Variants in SH3RF2 observed in about 807,000 individuals in gnomAD.
The protein encoded by SH3RF2 is SH3 domain containing ring finger 2, also known as E3 ubiquitin-protein ligase SH3RF2.
SH3RF2 carries 43 observed loss-of-function variants against 59.0 expected under a neutral mutation model. That is an observed-to-expected ratio of 0.73 (90% CI 0.57 to 0.94). The LOEUF is 0.94. SH3RF2 is among the 40% of genes least tolerant of loss of function. SH3RF2 has a pLI of 0.00. For synonymous variants in SH3RF2, 391 were observed against 391.5 expected (o/e 1.00, Z 0.01); for missense variants, 930 against 940.1 (o/e 0.99, Z 0.14).
chr5:146,020,874 A>G (rs1277670890), intron 5 of SH3RF2, among the ~76,000 whole-genome samples: 1 of 152,202 alleles, frequency 6.6e-6, no homozygotes, highest in Non-Finnish European at 1.5e-5. Context: ...ATCCTATGCC[A>G]GGATGATAAT....
chr5:146,077,284 G>C (rs1220991316), intron 9 of SH3RF2, among the ~76,000 whole-genome samples: 2 of 152,226 alleles, frequency 1.3e-5, no homozygotes, highest in African/African-American at 4.8e-5. Context: ...ATTGGCCAGG[G>C]AGGGGAGGAT....
chr5:145,947,613 G>C (rs1051895495), intron 2 of SH3RF2, among the ~76,000 whole-genome samples: 3 of 152,114 alleles, frequency 2.0e-5, no homozygotes, highest in African/African-American at 7.2e-5. Flanking sequence ...TAGACCTGGG[G>C]ATAATAAAAA....
At chr5:146,009,664 T>C (rs545617727) in intron 4 of SH3RF2, among the ~76,000 whole-genome samples, 4 of 152,322 alleles carry the variant, frequency 2.6e-5, no homozygotes, top group Non-Finnish European at 4.4e-5. Context: ...GTTGTTTACA[T>C]GCTGGCTCTG....
chr5:145,946,492 G>A (rs1758010235), intron 2 of SH3RF2, among the ~76,000 whole-genome samples: 1 of 152,128 alleles, frequency 6.6e-6, no homozygotes, highest in African/African-American at 2.4e-5. Flanking sequence ...TTTATGAATT[G>A]AGCCATTACA....
intron 2 of SH3RF2, among the ~76,000 whole-genome samples, chr5:145,978,977 T>G (rs1422447874): frequency 6.6e-6 from 1 of 152,188 alleles, no homozygotes; most frequent in African/African-American, 2.4e-5. Flanking sequence ...CCTGTTTTCC[T>G]GTGCTCATAC....
intron 2 of SH3RF2, among the ~76,000 whole-genome samples, chr5:145,940,999 G>A (rs1757793652): frequency 6.6e-6 from 1 of 152,258 alleles, no homozygotes; most frequent in African/African-American, 2.4e-5. Flanking sequence ...TATTATTATT[G>A]AACTTGATTC....
At chr5:145,999,081 G>A (rs1760287168) in intron 2 of SH3RF2, among the ~76,000 whole-genome samples, 1 of 151,162 alleles carries the variant, frequency 6.6e-6, no homozygotes, top group South Asian at 2.1e-4. Context: ...TCTTCTTGCT[G>A]GTGGTGGGTC....
At chr5:145,993,029 A>G (rs1345036743) in intron 2 of SH3RF2, among the ~76,000 whole-genome samples, 1 of 152,280 alleles carries the variant, frequency 6.6e-6, no homozygotes. Context: ...TACTAGATAC[A>G]GTGGGGGTAC....
At chr5:146,048,995 C>A in intron 6 of SH3RF2, 80 bp from the exon 7 acceptor site, 1 of 1,533,918 alleles carries the variant, frequency 6.5e-7, no homozygotes, top group Non-Finnish European at 9.0e-7. Flanking sequence ...TGGGCAGTCT[C>A]TCTCCACCAT....
At chr5:146,038,072 G>GA (rs951615798) in intron 5 of SH3RF2, among the ~76,000 whole-genome samples, 3 of 151,776 alleles carry the variant, frequency 2.0e-5, no homozygotes, top group Admixed American at 1.3e-4. Context: ...GATTAAAGGA[G>GA]AAAAAAATGT....
chr5:146,014,336 C>T (rs1418203940), intron 5 of SH3RF2, among the ~76,000 whole-genome samples: 1 of 152,150 alleles, frequency 6.6e-6, no homozygotes, highest in African/African-American at 2.4e-5. Flanking sequence ...CTCACAGATA[C>T]TTTTCTTTCC....
chr5:146,017,702 G>A (rs1761158218), intron 5 of SH3RF2, among the ~76,000 whole-genome samples: 1 of 152,002 alleles, frequency 6.6e-6, no homozygotes, highest in South Asian at 2.1e-4. Flanking sequence ...CACCTAAATA[G>A]TTATTGCTAT....
intron 2 of SH3RF2, among the ~76,000 whole-genome samples, chr5:145,957,161 A>AT (rs1286430603): frequency 6.6e-6 from 1 of 152,260 alleles, no homozygotes; most frequent in Non-Finnish European, 1.5e-5. Flanking sequence ...AGAAACAATC[A>AT]TTTTATAAAA....
At chr5:145,947,396 G>A (rs542235719) in intron 2 of SH3RF2, among the ~76,000 whole-genome samples, 60 of 152,260 alleles carry the variant, frequency 3.9e-4, no homozygotes, top group Non-Finnish European at 6.6e-4. Context: ...TCTGATCATT[G>A]TTACTATGAA....
Position 146,059,958 on chromosome 5 carries a change from C to T in SH3RF2, c.1648C>T (p.Gln550Ter). ...CCCCACCATGGTCCTTCGGCCTCAG[C>T]AGTTCCAATTCTACCAGCCACAGGG... is the stretch of plus-strand genomic sequence containing the variant. ...RSPTMVLRPQ[Q>*]FQFYQPQGIP... is the part of the protein sequence containing the mutation. Residue 550 changes from glutamine (Q) to a stop codon, truncating the protein, a stop_gained, in exon 9 of 10, where the codon CAG (glutamine) becomes TAG (stop). Coordinates refer to ENST00000359120, the MANE Select transcript of SH3RF2 (RefSeq NM_152550.4). LOFTEE classifies it high-confidence loss of function. 6.4e-7 allele frequency: 1 copy of T among 1,554,960 alleles called. No homozygotes were observed. Among genetic ancestry groups the T allele is most frequent in the South Asian group, 1.2e-5 (1 of 80,794 alleles).
At chr5:145,986,030 T>C (rs1191832220) in intron 2 of SH3RF2, among the ~76,000 whole-genome samples, 3 of 149,752 alleles carry the variant, frequency 2.0e-5, no homozygotes, top group Middle Eastern at 3.4e-3. Flanking sequence ...AATAAATAAA[T>C]AAATAAATAA....
downstream of SH3RF2, among the ~76,000 whole-genome samples, chr5:146,064,567 G>A (rs1378515634): frequency 8.3e-6 from 1 of 120,776 alleles, no homozygotes; most frequent in Admixed American, 9.6e-5. Flanking sequence ...AAGAAAGGAA[G>A]GAGGGAAGGA....
exon 10 of SH3RF2, chr5:146,079,593 G>C (rs1412327999): frequency 1.3e-5 from 2 of 152,172 alleles, no homozygotes; most frequent in Non-Finnish European, 1.5e-5. Flanking sequence ...CTTGTAAACA[G>C]GATCCAGCAT....
intron 9 of SH3RF2, among the ~76,000 whole-genome samples, chr5:146,074,036 CTTTTTTT>C (rs70998053): frequency 1.7e-5 from 2 of 117,232 alleles, no homozygotes; most frequent in Admixed American, 8.4e-5. Context: ...CATTAACACT[CTTTTTTT>C]TTTTTTTTTT....
Sources: allele counts gnomAD v4.1 joint callset (sites outside exome capture counted in the v4.1 genomes callset), GRCh38; gene constraint gnomAD v4.1.1; transcripts MANE v1.5; gene names NCBI Gene and HGNC (gene_info 2026-07-23, HGNC 2026-07-21).